TMEM131: variants seen among roughly 807,000 people sequenced by gnomAD.
The protein encoded by TMEM131 is transmembrane protein 131, also known as 2610524E03Rik.
In TMEM131, 66 loss-of-function variants were observed where a neutral mutation model predicts 211.6. That is an observed-to-expected ratio of 0.31 (90% CI 0.26 to 0.38). The LOEUF is 0.38. Among genes scored for constraint, TMEM131 ranks in the 10% least tolerant of loss-of-function variants. TMEM131 has a pLI of 1.00. For missense variants in TMEM131, 2,036 were observed against 2,299.3 expected (o/e 0.89, Z 2.34); for synonymous variants, 844 against 841.3 (o/e 1.00, Z -0.06).
intron 3 of TMEM131, among the ~76,000 whole-genome samples, chr2:97,893,000 A>C (rs1460553284): frequency 7.9e-5 from 12 of 152,108 alleles, no homozygotes; most frequent in Non-Finnish European, 5.9e-5. Flanking sequence ...TGCACCCATC[A>C]ACCCATCACC....
chr2:97,903,601 C>T (rs1003519525), intron 3 of TMEM131, among the ~76,000 whole-genome samples: 2 of 152,130 alleles, frequency 1.3e-5, no homozygotes, highest in Non-Finnish European at 2.9e-5. Context: ...GGGAGAGACA[C>T]AAACTTCAGT....
At chr2:97,979,547 G>A (rs944744788) in intron 1 of TMEM131, among the ~76,000 whole-genome samples, 1 of 152,204 alleles carries the variant, frequency 6.6e-6, no homozygotes, top group Non-Finnish European at 1.5e-5. Context: ...TGATGAAACT[G>A]TCTTCTTTCC....
intron 28 of TMEM131, among the ~76,000 whole-genome samples, chr2:97,795,720 C>T (rs1680728578): frequency 6.6e-6 from 1 of 152,078 alleles, no homozygotes; most frequent in Non-Finnish European, 1.5e-5. Context: ...CATTTTATTG[C>T]ATAAACTTTA....
chr2:97,946,320 A>G (rs1353025590), intron 1 of TMEM131, among the ~76,000 whole-genome samples: 10 of 152,000 alleles, frequency 6.6e-5, no homozygotes, highest in Admixed American at 5.9e-4. Context: ...GAAGGAAACA[A>G]AAGTTTTCTG....
chr2:97,824,080 G>C (rs1682258979), intron 11 of TMEM131, among the ~76,000 whole-genome samples: 2 of 152,156 alleles, frequency 1.3e-5, no homozygotes, highest in Admixed American at 1.3e-4. Flanking sequence ...AAATTGAGCA[G>C]GCCAATCACC....
At chr2:97,827,839 G>A (rs1054933987) in intron 11 of TMEM131, among the ~76,000 whole-genome samples, 20 of 152,168 alleles carry the variant, frequency 1.3e-4, no homozygotes, top group African/African-American at 4.6e-4. Context: ...TCCATAGATG[G>A]GGGGTTAGTT....
At chr2:97,761,934 G>A (rs1240137436) in intron 36 of TMEM131, 101 bp downstream of exon 36, 3 of 1,306,924 alleles carry the variant, frequency 2.3e-6, no homozygotes, top group Non-Finnish European at 3.1e-6. Context: ...AGTAACACCA[G>A]ACAGTGGCCT....
chr2:97,826,816 C>T (rs1457162956), intron 11 of TMEM131, among the ~76,000 whole-genome samples: 4 of 152,170 alleles, frequency 2.6e-5, no homozygotes, highest in Non-Finnish European at 5.9e-5. Flanking sequence ...CCCTATAACA[C>T]TCCAATACCA....
At position 97,761,234 on chromosome 2, in the gene TMEM131, G is replaced by C. The variant is rs865919107; in HGVS notation, c.4890-320C>G. 4.5e-5 allele frequency: 10 copies of C among 224,716 alleles called. 1 individual carries two copies. In the Middle Eastern group the frequency reaches 4.8e-3, roughly 107 times the overall value. The allele number at this position is 224,716 out of a possible 1,614,324, so 13.9% of individuals were successfully genotyped here. On this transcript the variant is annotated intron_variant, in intron 36 of 40. Transcript: ENST00000186436. ...AGAGAGCCACTCGGCAGGAAATGCAGAGGGCAGCCACCGACACCGGAAAGG... is the reference window on the plus strand; with the variant it reads ...AGAGAGCCACTCGGCAGGAAATGCACAGGGCAGCCACCGACACCGGAAAGG...
chr2:97,981,028 CAAAAAAAAAAAAAAAAAAAAAAAAA>C lies in TMEM131; in HGVS notation c.187+14423_187+14447del, dbSNP rs57606185. On this transcript the variant is annotated intron_variant, in intron 1 of 40. Coordinates refer to ENST00000186436, the MANE Select transcript of TMEM131 (RefSeq NM_015348.2). ...TGCTGAAACTCACAGAACTACACAC[CAAAAAAAAAAAAAAAAAAAAAAAAA>C]AAAAAAAAAAAAAAGTTTAAAAATC... is the stretch of plus-strand genomic sequence containing the variant. Among the ~76,000 whole-genome samples, 5 of 37,950 alleles carry C rather than the reference CAAAAAAAAAAAAAAAAAAAAAAAAA, an allele frequency of 1.3e-4. 1 individual carries two copies. The highest frequency in any genetic ancestry group is 2.9e-4 in the African/African-American group (3 of 10,240). The allele number at this position is 37,950 out of a possible 152,430, so 24.9% of individuals were successfully genotyped here.
At position 97,811,684 on chromosome 2, in the gene TMEM131, C is replaced by T. The variant is rs147622678; in HGVS notation, c.1864-452G>A. The stretch of plus-strand genomic sequence containing the variant: ...AGCTGAGGTCAGATATAACAAAACA[C>T]CAGACCTATGGCATTCCACGGAAAC... On this transcript the variant is annotated intron_variant, in intron 17 of 40. Transcript: ENST00000186436. 4.2e-3 allele frequency among the ~76,000 whole-genome samples: 640 copies of T among 152,324 alleles called. 3 individuals carry two copies. The highest frequency in any genetic ancestry group is 0.015 in the African/African-American group (605 of 41,566).
chr2:97,889,462 T>A (rs1675290898), intron 3 of TMEM131, among the ~76,000 whole-genome samples: 1 of 151,894 alleles, frequency 6.6e-6, no homozygotes, highest in Non-Finnish European at 1.5e-5. Flanking sequence ...ATTAGTTTCA[T>A]TAGTATGAAA....
intron 1 of TMEM131, among the ~76,000 whole-genome samples, chr2:97,932,053 T>C (rs1341702254): frequency 4.0e-5 from 6 of 151,840 alleles, no homozygotes; most frequent in Admixed American, 6.6e-5. Flanking sequence ...GATAATGACA[T>C]TGTGCTTGAG....
In TMEM131 at chr2:97,995,652, C is replaced by T; in HGVS notation, c.11G>A (p.Arg4Gln). ...GGCTCCGGTTGCTCCTCCTCCCGCC[C>T]GCTTCCCCATCCCTGCCGGCCGGGG... The part of the protein sequence containing the change: MGK[R>Q]AGGGATGATT... Residue 4 changes from arginine (R) to glutamine (Q), a missense_variant, in exon 1 of 41, where the codon CGG (arginine) becomes CAG (glutamine). Around this residue, in one of 3 missense-constraint regions of TMEM131, gnomAD observed 136 missense variants for 115.4 expected, o/e 1.18. Coordinates refer to ENST00000186436, the MANE Select transcript of TMEM131 (RefSeq NM_015348.2). 10 of 1,214,332 alleles carry T rather than the reference C, an allele frequency of 8.2e-6. No homozygotes were observed. Among genetic ancestry groups the T allele is most frequent in the Non-Finnish European group, 9.2e-6 (9 of 976,342 alleles). 75.2% of individuals were successfully genotyped at this position (1,214,332 alleles called of 1,614,324 possible).
Position 97,796,199 on chromosome 2 carries a change from C to T in TMEM131, c.3200+19G>A, listed in dbSNP as rs1680753209. 1 of 1,432,060 alleles carries T rather than the reference C, an allele frequency of 7.0e-7. No homozygotes were observed. The highest frequency in any genetic ancestry group is 9.4e-7 in the Non-Finnish European group (1 of 1,061,128). The allele number at this position is 1,432,060 out of a possible 1,614,324, so 88.7% of individuals were successfully genotyped here. A position where few individuals can be genotyped will look rare whatever the true frequency, so the allele number is the denominator to read the frequency against. On this transcript the variant is annotated intron_variant, in intron 28 of 40. Transcript: ENST00000186436. ...GAGGAAAGTTAGTGATTCATTACAC[C>T]TTAAAATAAAATACTTACAATATGA...
Position 97,850,897 on chromosome 2 carries a change from A to G in TMEM131, c.484-6636T>C, listed in dbSNP as rs548296159. On this transcript the variant is annotated intron_variant, in intron 5 of 40. Transcript: ENST00000186436. ...AACTTAATTTGATTTAAAAATGTCT[A>G]TATTCAAACAATACCCTTTTAAGGC... Among the ~76,000 whole-genome samples, 4 of 152,150 alleles carry G rather than the reference A, an allele frequency of 2.6e-5. No homozygotes were observed. The South Asian group carries it at 6.2e-4, about 24-fold the overall frequency.
At chr2:97,897,734 A>G (rs966137734) in intron 3 of TMEM131, among the ~76,000 whole-genome samples, 4 of 152,158 alleles carry the variant, frequency 2.6e-5, no homozygotes, top group Non-Finnish European at 5.9e-5. Flanking sequence ...CACCTCATAA[A>G]ACGTGTAAGG....
At chr2:97,802,929 A>G (rs965070364) in intron 22 of TMEM131, 139 bp from the exon 23 acceptor site, 10 of 715,592 alleles carry the variant, frequency 1.4e-5, no homozygotes, top group African/African-American at 9.2e-5. Context: ...CTAATATTTT[A>G]CTATGCTTGT....
intron 2 of TMEM131, among the ~76,000 whole-genome samples, chr2:97,922,304 C>T (rs1161646731): frequency 6.6e-6 from 1 of 152,188 alleles, no homozygotes; most frequent in African/African-American, 2.4e-5. Context: ...CTGTTCCTAA[C>T]AGGCCACAGA....
Sources: allele counts gnomAD v4.1 joint callset (sites outside exome capture counted in the v4.1 genomes callset), GRCh38; gene constraint gnomAD v4.1.1; regional missense constraint gnomAD v4.1.1; transcripts MANE v1.5; gene names NCBI Gene and HGNC (gene_info 2026-07-23, HGNC 2026-07-21).